SEC14L2: variants seen among roughly 807,000 people sequenced by gnomAD.
SEC14L2 encodes the protein SEC14 like lipid binding 2.
Under a neutral mutation model 56.9 loss-of-function variants are expected in SEC14L2, and 50 were observed. That is an observed-to-expected ratio of 0.88 (90% CI 0.70 to 1.11). The LOEUF is 1.11. Ranked by LOEUF, SEC14L2 falls within the 50% of genes most tolerant of loss-of-function variation. The probability of loss-of-function intolerance (pLI) is 0.00; values close to 1 mark genes in which losing one functional copy is unlikely to be tolerated. For synonymous variants in SEC14L2, 179 were observed against 188.5 expected, an observed-to-expected ratio of 0.95 and a Z score of 0.41; for missense variants, 414 against 500.7, an observed-to-expected ratio of 0.83 and a Z score of 1.65.
intron 1 of SEC14L2, among the ~76,000 whole-genome samples, chr22:30,398,194 T>A (rs924477569): frequency 1.3e-5 from 2 of 152,158 alleles, no homozygotes; most frequent in African/African-American, 4.8e-5. Flanking sequence ...GGCTTCAGAT[T>A]TTACTGCTGA....
intron 8 of SEC14L2, 97 bp from the exon 9 acceptor site, chr22:30,415,662 G>C (rs1318433660): frequency 4.0e-6 from 4 of 1,011,200 alleles, no homozygotes; most frequent in Non-Finnish European, 4.5e-6. Context: ...GCAATGGATG[G>C]GTTTTTTCTG....
intron 8 of SEC14L2, among the ~76,000 whole-genome samples, chr22:30,412,366 A>AC (rs1404679674): frequency 6.8e-6 from 1 of 146,904 alleles, no homozygotes; most frequent in South Asian, 2.1e-4. Context: ...CCTTCAAGGG[A>AC]CCCCCTTTTT....
intron 2 of SEC14L2, among the ~76,000 whole-genome samples, chr22:30,403,251 G>A (rs896397950): frequency 2.6e-5 from 4 of 152,156 alleles, no homozygotes; most frequent in Non-Finnish European, 5.9e-5. Context: ...TCAGTTTTCT[G>A]CTGGCTTCCA....
At position 30,397,173 on chromosome 22, in the gene SEC14L2, G is replaced by A. The variant is rs371949313; in HGVS notation, c.54+3G>A. ...GGCAGAAGGAGGCATTGGCCAAGGT[G>A]AGCTGTAGCCCTGGCCCGGGCTCCC... On this transcript the variant is annotated splice_donor_region_variant and intron_variant, in intron 1 of 11. Transcript: ENST00000615189. 202 of 1,539,290 alleles carry A rather than the reference G, an allele frequency of 1.3e-4. 2 individuals carry two copies. In the African/African-American group the frequency reaches 2.5e-3, roughly 19 times the overall value.
chr22:30,416,531 C>T (rs1934396816), intron 11 of SEC14L2, 128 bp downstream of exon 11: 6 of 1,559,014 alleles, frequency 3.8e-6, no homozygotes, highest in Admixed American at 1.9e-5. Context: ...TCAGTTCAAT[C>T]CTCTCCTTGT....
At chr22:30,400,592 TAA>T in intron 2 of SEC14L2, 1 of 151,956 alleles carries the variant, frequency 6.6e-6, no homozygotes, top group Non-Finnish European at 1.5e-5. Context: ...GACATAGAAA[TAA>T]TAAAGAAAAT....
At chr22:30,419,524 CAG>C in intron 11 of SEC14L2, among the ~76,000 whole-genome samples, 1 of 152,262 alleles carries the variant, frequency 6.6e-6, no homozygotes, top group South Asian at 2.1e-4. Context: ...ACCTGGGTGA[CAG>C]AGAGAGACTC....
intron 1 of SEC14L2, chr22:30,397,928 G>T (rs1219605606): frequency 2.1e-6 from 1 of 469,332 alleles, no homozygotes; most frequent in East Asian, 7.0e-5. Context: ...TTTGAGGGCG[G>T]GACCTTCCTC....
chr22:30,399,809 A>G (rs2146003809), intron 2 of SEC14L2, 91 bp downstream of exon 2: 1 of 1,102,756 alleles, frequency 9.1e-7, no homozygotes, highest in Non-Finnish European at 1.3e-6. Context: ...TTGGCAATTG[A>G]GGCATCTAGA....
In SEC14L2 at chr22:30,404,009, C is replaced by CA. The variant is rs67366822; in HGVS notation, c.131-2313dup. Among the ~76,000 whole-genome samples the CA allele has an allele frequency of 5.8e-3, 543 of 93,064 alleles. 7 individuals carry two copies. Among genetic ancestry groups the CA allele is most frequent in the African/African-American group, 7.1e-3 (188 of 26,482 alleles). The allele number at this position is 93,064 out of a possible 152,430, so 61.1% of individuals were successfully genotyped here. A position where few individuals can be genotyped will look rare whatever the true frequency, so the allele number is the denominator to read the frequency against. ...TGGGCGACAGAGCGAGACTCCGTCT[C>CA]AAAAAAAAAAAAAAAAAAAAGAAAA... On this transcript the variant is annotated intron_variant, in intron 2 of 11. Coordinates refer to ENST00000615189, the MANE Select transcript of SEC14L2 (RefSeq NM_012429.5).
At chr22:30,421,141 A>G (rs58813490) in intron 11 of SEC14L2, 1 of 147,332 alleles carries the variant, frequency 6.8e-6, no homozygotes, top group Non-Finnish European at 1.5e-5. Flanking sequence ...TTAAATAAAT[A>G]AATAGAAAAC....
At chr22:30,407,814 C>G (rs1483011142) in intron 5 of SEC14L2, among the ~76,000 whole-genome samples, 5 of 151,790 alleles carry the variant, frequency 3.3e-5, no homozygotes, top group Non-Finnish European at 5.9e-5. Context: ...AGTGATCCAC[C>G]CACCTCGGAC....
At chr22:30,411,313 A>T (rs1189026112) in intron 8 of SEC14L2, among the ~76,000 whole-genome samples, 1 of 152,080 alleles carries the variant, frequency 6.6e-6, no homozygotes, top group Non-Finnish European at 1.5e-5. Flanking sequence ...AAAAGACAGT[A>T]GACTAGTCAT....
intron 1 of SEC14L2, chr22:30,397,924 G>A (rs1054375287): frequency 4.3e-6 from 2 of 469,892 alleles, no homozygotes; most frequent in Non-Finnish European, 8.8e-6. Context: ...ACAGTTTGAG[G>A]GCGGGACCTT....
chr22:30,406,499 C>T (rs907132751), intron 3 of SEC14L2, 114 bp downstream of exon 3: 51 of 1,021,450 alleles, frequency 5.0e-5, no homozygotes, highest in South Asian at 3.8e-4. Flanking sequence ...GAGTATTAGC[C>T]GACCACTGTT....
Position 30,399,627 on chromosome 22 carries a change from A to T in SEC14L2, c.55-16A>T. 1 of 1,609,036 alleles carries T rather than the reference A, an allele frequency of 6.2e-7. No individual in the cohort carries two copies. The highest frequency in any genetic ancestry group is 8.5e-7 in the Non-Finnish European group (1 of 1,176,932). On this transcript the variant is annotated splice_polypyrimidine_tract_variant and intron_variant, in intron 1 of 11. Coordinates refer to ENST00000615189, the MANE Select transcript of SEC14L2 (RefSeq NM_012429.5). The stretch of plus-strand genomic sequence containing the variant: ...AGGGCGGGCCCTACCACTCACCCCG[A>T]TGCCTCTCCCTACAGTTTCGGGAGA...
Position 30,397,829 on chromosome 22 carries a change from T to C in SEC14L2, c.54+659T>C, listed in dbSNP as rs367954849. The C allele has an allele frequency of 5.9e-5, 28 of 471,050 alleles. 1 individual carries two copies. The highest frequency in any genetic ancestry group is 3.0e-4 in the African/African-American group (15 of 50,208). The allele number at this position is 471,050 out of a possible 1,614,324, so 29.2% of individuals were successfully genotyped here. ...CTATCTTGCATCCCAGACCCCTGCC[T>C]GGTTCAGGACTTAAGGTTTATGCTC... On this transcript the variant is annotated intron_variant, in intron 1 of 11. Coordinates refer to ENST00000615189, the MANE Select transcript of SEC14L2 (RefSeq NM_012429.5).
intron 11 of SEC14L2, among the ~76,000 whole-genome samples, chr22:30,419,291 C>T (rs1934457521): frequency 2.6e-5 from 4 of 152,174 alleles, no homozygotes; most frequent in African/African-American, 9.7e-5. Flanking sequence ...GTGGCTCATG[C>T]CTGTAATGCC....
chr22:30,407,034 G>T, intron 3 of SEC14L2, 61 bp from the exon 4 acceptor site: 1 of 1,563,262 alleles, frequency 6.4e-7, no homozygotes, highest in South Asian at 1.1e-5. Context: ...TTACAGGTGT[G>T]AACCACCATG....
Sources: gnomAD v4.1 joint callset for allele counts (sites outside exome capture counted in the v4.1 genomes callset) on GRCh38, gnomAD v4.1.1 for gene constraint, MANE v1.5 for transcripts, NCBI Gene and HGNC (gene_info 2026-07-23, HGNC 2026-07-21) for gene names.